The following MITF variants were observed in gnomAD, a reference collection of about 807,000 sequenced individuals.
MITF encodes melanocyte inducing transcription factor.
In MITF, 17 loss-of-function variants were observed where a neutral mutation model predicts 60.5. That is an observed-to-expected ratio of 0.28 (90% CI 0.19 to 0.42). The LOEUF (loss-of-function observed/expected upper bound fraction) is 0.42, where lower values mean the gene tolerates loss of function less well. MITF is among the 10% of genes least tolerant of loss of function. MITF has a pLI of 1.00. For synonymous variants in MITF, 260 were observed against 248.5 expected, an observed-to-expected ratio of 1.05 and a Z score of -0.43; for missense variants, 622 against 683.5, an observed-to-expected ratio of 0.91 and a Z score of 1.00.
intron 1 of MITF, among the ~76,000 whole-genome samples, chr3:69,858,042 T>G (rs1217036630): frequency 1.3e-5 from 2 of 152,142 alleles, no homozygotes; most frequent in Admixed American, 1.3e-4. Context: ...AGTAGTTTTT[T>G]TAGGCATTAT....
At chr3:69,915,614 A>T (rs1349795672) in intron 2 of MITF, among the ~76,000 whole-genome samples, 15 of 152,140 alleles carry the variant, frequency 9.9e-5, no homozygotes, top group Admixed American at 9.8e-4. Flanking sequence ...AGCTAGCAAC[A>T]ATAAGCAACT....
chr3:69,843,350 C>A (rs1299427696), intron 1 of MITF, among the ~76,000 whole-genome samples: 4 of 152,168 alleles, frequency 2.6e-5, no homozygotes, highest in Non-Finnish European at 4.4e-5. Flanking sequence ...TCAGGGAAAT[C>A]TGTATAATCT....
intron 2 of MITF, among the ~76,000 whole-genome samples, chr3:69,924,829 C>T (rs878898510): frequency 1.3e-5 from 2 of 152,212 alleles, no homozygotes; most frequent in African/African-American, 4.8e-5. Context: ...TCACGAAAGC[C>T]TTCTGTATGA....
At chr3:69,945,611 C>T (rs2066075773) in intron 5 of MITF, among the ~76,000 whole-genome samples, 1 of 152,192 alleles carries the variant, frequency 6.6e-6, no homozygotes, top group Admixed American at 6.5e-5. Flanking sequence ...TTAGTAGCTT[C>T]AGCAAATAAG....
At chr3:69,950,629 A>T (rs533272458) in intron 6 of MITF, among the ~76,000 whole-genome samples, 1 of 143,812 alleles carries the variant, frequency 7.0e-6, no homozygotes. Flanking sequence ...TATGGTGTGT[A>T]TATATATATA....
At chr3:69,902,661 T>A (rs977634327) in intron 2 of MITF, among the ~76,000 whole-genome samples, 1 of 152,218 alleles carries the variant, frequency 6.6e-6, no homozygotes, top group African/African-American at 2.4e-5. Flanking sequence ...AATGCTGGTT[T>A]CATCTTCAGA....
chr3:69,750,663 A>C (rs922431725), intron 1 of MITF, among the ~76,000 whole-genome samples: 1 of 152,006 alleles, frequency 6.6e-6, no homozygotes, highest in African/African-American at 2.4e-5. Flanking sequence ...ACACACTCCC[A>C]CAGTTTCTGT....
chr3:69,868,629 G>A (rs1268142102), intron 1 of MITF, among the ~76,000 whole-genome samples: 11 of 152,042 alleles, frequency 7.2e-5, no homozygotes, highest in South Asian at 2.1e-4. Flanking sequence ...GGCTGGGCGC[G>A]GTGGCTCACG....
intron 2 of MITF, among the ~76,000 whole-genome samples, chr3:69,888,405 CTTTTTTTCTTTTTT>C (rs1277379857): frequency 2.0e-5 from 3 of 149,548 alleles, no homozygotes; most frequent in Non-Finnish European, 3.0e-5. Flanking sequence ...AGAACCTTTT[CTTTTTTTCTTTTTT>C]TTTTTTTCTT....
intron 1 of MITF, among the ~76,000 whole-genome samples, chr3:69,820,179 G>T (rs1261010647): frequency 6.6e-6 from 1 of 152,170 alleles, no homozygotes; most frequent in African/African-American, 2.4e-5. Flanking sequence ...TATGTTTTGG[G>T]TAAATAAGGT....
At chr3:69,780,928 A>G (rs1419307908) in intron 1 of MITF, among the ~76,000 whole-genome samples, 1 of 152,204 alleles carries the variant, frequency 6.6e-6, no homozygotes, top group African/African-American at 2.4e-5. Context: ...ATTGGTGACC[A>G]TCTTTGGAGA....
intron 2 of MITF, among the ~76,000 whole-genome samples, chr3:69,933,475 T>G (rs143019831): frequency 6.6e-6 from 1 of 152,104 alleles, no homozygotes; most frequent in Non-Finnish European, 1.5e-5. Context: ...GTGTGACAGT[T>G]AGGAGGTGAT....
intron 9 of MITF, among the ~76,000 whole-genome samples, chr3:69,960,745 C>G (rs2066520911): frequency 6.6e-6 from 1 of 152,226 alleles, no homozygotes; most frequent in African/African-American, 2.4e-5. Context: ...ACCCTAGCGA[C>G]CATTGTGTTT....
intron 2 of MITF, among the ~76,000 whole-genome samples, chr3:69,912,247 A>T (rs569480825): frequency 6.6e-6 from 1 of 152,330 alleles, no homozygotes; most frequent in East Asian, 1.9e-4. Context: ...TACACATCAA[A>T]TTCTGGGTAA....
intron 2 of MITF, among the ~76,000 whole-genome samples, chr3:69,935,452 C>G (rs1172317943): frequency 6.6e-6 from 1 of 152,096 alleles, no homozygotes; most frequent in Non-Finnish European, 1.5e-5. Flanking sequence ...GCACATTCTA[C>G]TCATTGCCCT....
At chr3:69,925,472 GTCTC>G (rs1451458444) in intron 2 of MITF, among the ~76,000 whole-genome samples, 1 of 152,158 alleles carries the variant, frequency 6.6e-6, no homozygotes, top group Non-Finnish European at 1.5e-5. Context: ...ATATAAGAAA[GTCTC>G]TTAATGTTTA....
chr3:69,913,118 T>C (rs1262643710), intron 2 of MITF, among the ~76,000 whole-genome samples: 1 of 152,066 alleles, frequency 6.6e-6, no homozygotes, highest in African/African-American at 2.4e-5. Flanking sequence ...CAGATGTTTG[T>C]TTTGAATGGA....
intron 1 of MITF, among the ~76,000 whole-genome samples, chr3:69,805,318 A>G (rs975340970): frequency 2.0e-5 from 3 of 152,166 alleles, no homozygotes; most frequent in South Asian, 4.1e-4. Context: ...TTTTAATGGT[A>G]ACTTTGATGT....
chr3:69,823,580 A>T (rs1250113888), intron 1 of MITF, among the ~76,000 whole-genome samples: 1 of 152,204 alleles, frequency 6.6e-6, no homozygotes, highest in Non-Finnish European at 1.5e-5. Flanking sequence ...TCATATTAAG[A>T]TTAGGGCTTC....
Sources: gnomAD v4.1 joint callset for allele counts (sites outside exome capture counted in the v4.1 genomes callset) on GRCh38, gnomAD v4.1.1 for gene constraint, MANE v1.5 for transcripts, NCBI Gene and HGNC (gene_info 2026-07-23, HGNC 2026-07-21) for gene names.